PIAS1: variants seen among roughly 807,000 people sequenced by gnomAD.
PIAS1 encodes protein inhibitor of activated STAT 1.
Under a neutral mutation model 71.3 loss-of-function variants are expected in PIAS1, and 6 were observed. The observed-to-expected ratio is 0.08, with a 90% CI of 0.05 to 0.17. The LOEUF (loss-of-function observed/expected upper bound fraction) is 0.17, where lower values mean the gene tolerates loss of function less well. Among genes scored for constraint, PIAS1 ranks in the 10% least tolerant of loss-of-function variants. The pLI is 1.00. For synonymous variants in PIAS1, 303 were observed against 292.9 expected (o/e 1.03, Z -0.35); for missense variants, 555 against 793.6 (o/e 0.70, Z 3.61).
chr15:68,123,517 AG>A (rs2092627758), intron 2 of PIAS1, among the ~76,000 whole-genome samples: 1 of 152,214 alleles, frequency 6.6e-6, no homozygotes, highest in African/African-American at 2.4e-5. Flanking sequence ...ATTTTAGAAA[AG>A]TAATTTTAAA....
chr15:68,055,369 A>G (rs117764220), intron 1 of PIAS1: 6,454 of 197,664 alleles, frequency 0.033, 161 homozygotes, highest in Non-Finnish European at 0.044. Flanking sequence ...AACAGTACCA[A>G]TTACTCACGC....
At chr15:68,149,328 T>C (rs1219320176) in intron 6 of PIAS1, among the ~76,000 whole-genome samples, 1 of 131,706 alleles carries the variant, frequency 7.6e-6, no homozygotes, top group African/African-American at 3.3e-5. Flanking sequence ...CTGCATTACT[T>C]TTTTTTTTTT....
Position 68,083,346 on chromosome 15 carries a change from T to G in PIAS1, c.25-2960T>G, listed in dbSNP as rs368348362. ...CCCGCCCCCTTCTTTTATTTCATTT[T>G]AAAAAATACTGCATGCTTATCACAG... On this transcript the variant is annotated intron_variant, in intron 1 of 13. Transcript: ENST00000249636. Among the ~76,000 whole-genome samples the G allele has an allele frequency of 5.3e-5, 8 of 152,280 alleles. No homozygotes were observed. The East Asian group carries it at 1.2e-3, about 22-fold the overall frequency.
At chr15:68,093,384 C>T (rs1204445971) in intron 2 of PIAS1, among the ~76,000 whole-genome samples, 4 of 152,176 alleles carry the variant, frequency 2.6e-5, no homozygotes, top group South Asian at 4.1e-4. Flanking sequence ...CAGAATTGTG[C>T]GGAAGCACTG....
intron 2 of PIAS1, among the ~76,000 whole-genome samples, chr15:68,107,686 T>C (rs912060592): frequency 1.3e-5 from 2 of 152,008 alleles, no homozygotes; most frequent in African/African-American, 4.8e-5. Flanking sequence ...AGAGCAATTA[T>C]AAAACTAATA....
intron 2 of PIAS1, among the ~76,000 whole-genome samples, chr15:68,111,382 C>T (rs1385565213): frequency 6.6e-6 from 1 of 152,112 alleles, no homozygotes; most frequent in Non-Finnish European, 1.5e-5. Flanking sequence ...AAGAGAGTAT[C>T]TCTATATATT....
intron 4 of PIAS1, among the ~76,000 whole-genome samples, chr15:68,142,803 A>G (rs1290639265): frequency 6.6e-6 from 1 of 152,110 alleles, no homozygotes; most frequent in Non-Finnish European, 1.5e-5. Context: ...GTGGATAAGG[A>G]ATTAGTACTT....
intron 7 of PIAS1, among the ~76,000 whole-genome samples, chr15:68,163,456 G>A (rs529407374): frequency 1.3e-5 from 2 of 152,212 alleles, no homozygotes; most frequent in African/African-American, 4.8e-5. Context: ...ATCATATCTG[G>A]AGCTTTTAAA....
intron 2 of PIAS1, among the ~76,000 whole-genome samples, chr15:68,118,599 C>T (rs1402805035): frequency 6.6e-6 from 1 of 152,176 alleles, no homozygotes; most frequent in African/African-American, 2.4e-5. Flanking sequence ...ACCTCAGTCT[C>T]CTGAGTCACT....
chr15:68,083,858 C>T (rs1309375763), intron 1 of PIAS1, among the ~76,000 whole-genome samples: 3 of 151,750 alleles, frequency 2.0e-5, no homozygotes, highest in African/African-American at 4.8e-5. Context: ...ATAGCAAGAC[C>T]CTATCTCTTA....
intron 7 of PIAS1, among the ~76,000 whole-genome samples, chr15:68,160,833 A>G (rs1205263939): frequency 6.6e-6 from 1 of 152,212 alleles, no homozygotes; most frequent in African/African-American, 2.4e-5. Context: ...CAAAAAGTCT[A>G]CACTACAGCT....
chr15:68,060,673 G>T (rs760210838), intron 1 of PIAS1, among the ~76,000 whole-genome samples: 8 of 152,152 alleles, frequency 5.3e-5, no homozygotes, highest in Non-Finnish European at 1.2e-4. Flanking sequence ...TTAATATAGA[G>T]AAAATGGAAA....
At chr15:68,092,387 G>C (rs374314782) in intron 2 of PIAS1, among the ~76,000 whole-genome samples, 1 of 152,198 alleles carries the variant, frequency 6.6e-6, no homozygotes, top group East Asian at 1.9e-4. Context: ...GGCCAGGCTT[G>C]TCTTGAACTT....
intron 2 of PIAS1, among the ~76,000 whole-genome samples, chr15:68,119,266 T>G (rs1319711917): frequency 3.2e-4 from 8 of 24,996 alleles, no homozygotes; most frequent in African/African-American, 4.2e-4. Flanking sequence ...AAAAAAAAAG[T>G]ATATATATAT....
At chr15:68,120,050 C>T (rs1165554441) in intron 2 of PIAS1, among the ~76,000 whole-genome samples, 4 of 152,218 alleles carry the variant, frequency 2.6e-5, no homozygotes, top group Non-Finnish European at 4.4e-5. Flanking sequence ...TGAAGCGATC[C>T]TTCTGCCTCA....
At chr15:68,100,700 A>T (rs2092416170) in intron 2 of PIAS1, among the ~76,000 whole-genome samples, 1 of 152,138 alleles carries the variant, frequency 6.6e-6, no homozygotes, top group African/African-American at 2.4e-5. Context: ...GCTGTATGGT[A>T]GTTTTAGTTT....
chr15:68,141,875 T>G lies in PIAS1; in HGVS notation c.470-71T>G, dbSNP rs78217935. The G allele has an allele frequency of 6.7e-3, 4,080 of 610,554 alleles. 4 individuals are homozygous for G. Among genetic ancestry groups the G allele is most frequent in the Non-Finnish European group, 8.3e-3 (3,132 of 375,536 alleles). The allele number at this position is 610,554 out of a possible 1,614,324, so 37.8% of individuals were successfully genotyped here. A position where few individuals can be genotyped will look rare whatever the true frequency, so the allele number is the denominator to read the frequency against. ...ACCAGTTAATTAAAGACATGTGTGT[T>G]TTTTTTTTTTGCTTTTGTCTTTACT... is the stretch of plus-strand genomic sequence containing the variant. On this transcript the variant is annotated intron_variant, in intron 2 of 13. Transcript: ENST00000249636.
At chr15:68,127,806 A>G (rs2092661530) in intron 2 of PIAS1, among the ~76,000 whole-genome samples, 1 of 152,128 alleles carries the variant, frequency 6.6e-6, no homozygotes, top group Admixed American at 6.5e-5. Flanking sequence ...TCTATTGCCC[A>G]GGCTGGAGTA....
chr15:68,145,156 G>A (rs2092799805), intron 4 of PIAS1, among the ~76,000 whole-genome samples: 1 of 152,108 alleles, frequency 6.6e-6, no homozygotes. Context: ...CCAAAAGACT[G>A]CATTTAATTT....
Sources: gnomAD v4.1 joint callset for allele counts (sites outside exome capture counted in the v4.1 genomes callset) on GRCh38, gnomAD v4.1.1 for gene constraint, MANE v1.5 for transcripts, NCBI Gene and HGNC (gene_info 2026-07-23, HGNC 2026-07-21) for gene names.